The following NUAK1 variants were observed in gnomAD, a reference collection of about 807,000 sequenced individuals.
NUAK1 encodes the protein NUAK family SNF1-like kinase 1.
A neutral mutation model predicts 56.9 loss-of-function variants in NUAK1; 26 were observed. That is an observed-to-expected ratio of 0.46 (90% CI 0.33 to 0.63). NUAK1 has a LOEUF of 0.63. Ranked by LOEUF, NUAK1 falls within the 30% of genes least tolerant of loss-of-function variation. NUAK1 has a pLI of 0.02. For synonymous variants in NUAK1, 337 were observed against 336.0 expected (o/e 1.00, Z -0.03); for missense variants, 727 against 876.1 (o/e 0.83, Z 2.15).
At chr12:106,128,427 C>T (rs573004523) in intron 1 of NUAK1, among the ~76,000 whole-genome samples, 3 of 152,156 alleles carry the variant, frequency 2.0e-5, no homozygotes, top group Non-Finnish European at 4.4e-5. Flanking sequence ...CCACCACTCC[C>T]GCTTCCCTTT....
intron 1 of NUAK1, among the ~76,000 whole-genome samples, chr12:106,121,326 C>G (rs1012769981): frequency 6.6e-6 from 1 of 152,222 alleles, no homozygotes; most frequent in Non-Finnish European, 1.5e-5. Flanking sequence ...GCAGAAGGCA[C>G]ACACAAGGTG....
At chr12:106,129,189 T>C (rs973395756) in intron 1 of NUAK1, among the ~76,000 whole-genome samples, 4 of 152,134 alleles carry the variant, frequency 2.6e-5, no homozygotes, top group African/African-American at 9.7e-5. Context: ...CCAGCTGCTG[T>C]CACTGAGAAG....
chr12:106,087,150 C>CT (rs969231252), intron 2 of NUAK1, among the ~76,000 whole-genome samples: 16 of 152,102 alleles, frequency 1.1e-4, no homozygotes, highest in Non-Finnish European at 2.2e-4. Context: ...GAGGACCCCA[C>CT]TTTCCTTGTC....
At chr12:106,105,040 G>A (rs1029741054) in intron 2 of NUAK1, among the ~76,000 whole-genome samples, 6 of 150,850 alleles carry the variant, frequency 4.0e-5, no homozygotes, top group East Asian at 2.0e-4. Flanking sequence ...TGCAACCTCC[G>A]TCTCCCTAGC....
intron 1 of NUAK1, among the ~76,000 whole-genome samples, chr12:106,123,012 A>G (rs192659083): frequency 4.1e-4 from 63 of 152,320 alleles, no homozygotes; most frequent in Non-Finnish European, 7.8e-4. Flanking sequence ...AATCCATTAC[A>G]TGGTTTCACC....
At position 106,067,814 on chromosome 12, in the gene NUAK1, G is replaced by A. The variant is rs772185238; in HGVS notation, c.974C>T (p.Ser325Phe). ...CDCDALHDSE[S>F]PLLARIIDWH... ...GTCAATGATCCGAGCCAGGAGTGGG[G>A]ACTCAGAGTCATGGAGGGCATCACA... Residue 325 changes from serine (S) to phenylalanine (F), a missense_variant, in exon 7 of 7, where the codon TCC becomes TTC. Transcript: ENST00000261402. This position sits in a 1 kb window ranked among gnomAD's most constrained non-coding sequence, Gnocchi z 6.0. The A allele has an allele frequency of 2.5e-6, 4 of 1,613,970 alleles. No homozygotes were observed. The highest frequency in any genetic ancestry group is 2.2e-5 in the South Asian group (2 of 91,076).
At chr12:106,123,945 A>G (rs2033002527) in intron 1 of NUAK1, among the ~76,000 whole-genome samples, 1 of 152,200 alleles carries the variant, frequency 6.6e-6, no homozygotes, top group Non-Finnish European at 1.5e-5. Context: ...TCCACCGGAA[A>G]ATTGGTGGCT....
chr12:106,120,818 G>A (rs1270380222), intron 1 of NUAK1, among the ~76,000 whole-genome samples: 2 of 152,198 alleles, frequency 1.3e-5, no homozygotes, highest in South Asian at 2.1e-4. Context: ...ACAGGGGCGA[G>A]GATGGAGGAG....
intron 1 of NUAK1, among the ~76,000 whole-genome samples, chr12:106,118,520 C>T (rs566958106): frequency 4.0e-4 from 61 of 152,258 alleles, no homozygotes; most frequent in African/African-American, 1.3e-3. Flanking sequence ...AAGGTCTGGT[C>T]GGGGAGCTAA....
chr12:106,138,716 G>C lies in NUAK1; in HGVS notation c.-63C>G. On this transcript the variant is annotated 5_prime_UTR_variant, in exon 1 of 7. Transcript: ENST00000261402. The surrounding 1 kb of genome is among the most constrained non-coding windows in gnomAD (Gnocchi z 5.0). ...ACCGGGCACAGCGCTGGGATGTCGG[G>C]GTCCCCACCGAGGGAAGCCGCTGTA... 7.0e-7 allele frequency: 1 copy of C among 1,435,092 alleles called. No individual in the cohort carries two copies. The highest frequency in any genetic ancestry group is 1.5e-5 in the South Asian group (1 of 67,256). 88.9% of individuals were successfully genotyped at this position (1,435,092 alleles called of 1,614,324 possible). A position where few individuals can be genotyped will look rare whatever the true frequency, so the allele number is the denominator to read the frequency against.
At chr12:106,092,055 T>C (rs559654438) in intron 2 of NUAK1, among the ~76,000 whole-genome samples, 1 of 151,766 alleles carries the variant, frequency 6.6e-6, no homozygotes, top group African/African-American at 2.4e-5. Context: ...AATAAATAAA[T>C]AAATAGGGCA....
intron 1 of NUAK1, among the ~76,000 whole-genome samples, chr12:106,135,121 T>A (rs2033117051): frequency 6.6e-6 from 1 of 152,214 alleles, no homozygotes; most frequent in Non-Finnish European, 1.5e-5. Context: ...GTACTCTTAG[T>A]AGCTCATTTT....
chr12:106,084,049 CCCGGTGGT>C, intron 3 of NUAK1, 120 bp from the exon 4 acceptor site: 3 of 847,166 alleles, frequency 3.5e-6, no homozygotes, highest in Non-Finnish European at 5.8e-6. Flanking sequence ...AATGCACCAG[CCCGGTGGT>C]CTTCACCTCC....
At chr12:106,128,606 T>C (rs1441119996) in intron 1 of NUAK1, among the ~76,000 whole-genome samples, 1 of 152,228 alleles carries the variant, frequency 6.6e-6, no homozygotes, top group Non-Finnish European at 1.5e-5. Context: ...CAAGCACCTT[T>C]GTGGCCCGTG....
chr12:106,131,460 C>T (rs1187422981), intron 1 of NUAK1, among the ~76,000 whole-genome samples: 1 of 152,168 alleles, frequency 6.6e-6, no homozygotes, highest in African/African-American at 2.4e-5. Context: ...TTGTGTCTGG[C>T]TTCTTTCACT....
Position 106,086,938 on chromosome 12 carries a change from C to T in NUAK1, c.362-53G>A, listed in dbSNP as rs1418442934. 5.7e-6 allele frequency: 9 copies of T among 1,588,762 alleles called. No homozygotes were observed. The Admixed American group carries it at 1.5e-4, about 27-fold the overall frequency. ...ACACCCCGTTTAGCCAACAAGCTCA[C>T]TTATGCTACAGAGAATGCGAGAGAG... On this transcript the variant is annotated intron_variant, in intron 2 of 6. Transcript: ENST00000261402.
chr12:106,118,773 T>C (rs920198197), intron 1 of NUAK1, among the ~76,000 whole-genome samples: 7 of 152,214 alleles, frequency 4.6e-5, no homozygotes, highest in Non-Finnish European at 8.8e-5. Flanking sequence ...TGCTCTTCTT[T>C]CCCAAAAACT....
rs35719392 is a variant in NUAK1, at chr12:106,063,682, ATTT to A, written c.*3117_*3119del. 0.01 allele frequency: 1,494 copies of A among 148,260 alleles called. 15 individuals carry two copies. The highest frequency in any genetic ancestry group is 0.029 in the African/African-American group (1,177 of 40,372). The allele number at this position is 148,260 out of a possible 1,614,324, so 9.2% of individuals were successfully genotyped here. A position where few individuals can be genotyped will look rare whatever the true frequency, so the allele number is the denominator to read the frequency against. On this transcript the variant is annotated 3_prime_UTR_variant, in exon 7 of 7. Coordinates refer to ENST00000261402, the MANE Select transcript of NUAK1 (RefSeq NM_014840.3). Reference sequence around the variant, plus strand: ...AAATTAAATAAAAGTCACAATGTGGATTTTTTTTTTTTTTTAATGTGCAGTCAA... The same window carrying A: ...AAATTAAATAAAAGTCACAATGTGGATTTTTTTTTTTTAATGTGCAGTCAA...
chr12:106,063,611 A>G lies in NUAK1; in HGVS notation c.*3191T>C, dbSNP rs2032303985. On this transcript the variant is annotated 3_prime_UTR_variant, in exon 7 of 7. Coordinates refer to ENST00000261402, the MANE Select transcript of NUAK1 (RefSeq NM_014840.3). The stretch of plus-strand genomic sequence containing the variant: ...CCTTTCAGACCAATAAATAAAAAAG[A>G]CAAATTCAAATAAAAAAGTCAACTT... 6.6e-6 allele frequency: 1 copy of G among 152,518 alleles called. No homozygotes were observed. Among genetic ancestry groups the G allele is most frequent in the Non-Finnish European group, 1.5e-5 (1 of 68,024 alleles). The allele number at this position is 152,518 out of a possible 1,614,324, so 9.4% of individuals were successfully genotyped here. A position where few individuals can be genotyped will look rare whatever the true frequency, so the allele number is the denominator to read the frequency against.
Sources: allele counts gnomAD v4.1 joint callset (sites outside exome capture counted in the v4.1 genomes callset), GRCh38; gene constraint gnomAD v4.1.1; non-coding constraint Gnocchi (gnomAD v3.1); transcripts MANE v1.5; gene names NCBI Gene and HGNC (gene_info 2026-07-23, HGNC 2026-07-21).